The following ZBTB20 variants were observed in gnomAD, a reference collection of about 807,000 sequenced individuals.
The protein encoded by ZBTB20 is zinc finger and BTB domain-containing protein 20.
Under a neutral mutation model 56.9 loss-of-function variants are expected in ZBTB20, and 9 were observed. That is an observed-to-expected ratio of 0.16 (90% confidence interval 0.10 to 0.28). ZBTB20 has a LOEUF of 0.28. ZBTB20 is among the 10% of genes least tolerant of loss of function. The probability of loss-of-function intolerance (pLI) is 1.00; values close to 1 mark genes in which losing one functional copy is unlikely to be tolerated. For missense variants in ZBTB20, 655 were observed against 1,003.0 expected (o/e 0.65, Z 4.69); for synonymous variants, 417 against 420.7 (o/e 0.99, Z 0.11).
intron 1 of ZBTB20, among the ~76,000 whole-genome samples, chr3:115,097,700 A>T (rs1490163156): frequency 6.6e-6 from 1 of 152,230 alleles, no homozygotes; most frequent in Non-Finnish European, 1.5e-5. Context: ...CTAAACAGGC[A>T]GATATCATGT....
rs1302694530 is a variant in ZBTB20 at position 114,334,084 on chromosome 3, T to G, written c.*4921A>C. 1.3e-5 allele frequency: 2 copies of G among 152,238 alleles called. No individual in the cohort carries two copies. Among genetic ancestry groups the G allele is most frequent in the African/African-American group, 4.8e-5 (2 of 41,444 alleles). 9.4% of individuals were successfully genotyped at this position (152,238 alleles called of 1,614,324 possible). A position where few individuals can be genotyped will look rare whatever the true frequency, so the allele number is the denominator to read the frequency against. On this transcript the variant is annotated 3_prime_UTR_variant, in exon 12 of 12. Coordinates refer to ENST00000675478, the MANE Select transcript of ZBTB20 (RefSeq NM_001348800.3). ...ACGTTGCACCTTCCTTTTGTTCCCT[T>G]TTAATGCAGCAGCACACTGGCTATA...
chr3:115,093,879 A>G (rs2083287623), intron 1 of ZBTB20, among the ~76,000 whole-genome samples: 1 of 152,114 alleles, frequency 6.6e-6, no homozygotes, highest in South Asian at 2.1e-4. Flanking sequence ...ATTTATATAG[A>G]TCTGCTTTAG....
chr3:115,024,281 C>T (rs2080324714), intron 2 of ZBTB20, among the ~76,000 whole-genome samples: 1 of 150,912 alleles, frequency 6.6e-6, no homozygotes, highest in South Asian at 2.1e-4. Flanking sequence ...ATGGTAAGTG[C>T]TATTGATAGA....
chr3:114,922,597 G>A (rs1378433425), intron 3 of ZBTB20, among the ~76,000 whole-genome samples: 3 of 152,102 alleles, frequency 2.0e-5, no homozygotes, highest in East Asian at 1.9e-4. Flanking sequence ...CCTAAGGCTG[G>A]GTAATTTATA....
chr3:114,750,219 G>T (rs1423348664), intron 5 of ZBTB20, among the ~76,000 whole-genome samples: 1 of 152,104 alleles, frequency 6.6e-6, no homozygotes, highest in Non-Finnish European at 1.5e-5. Context: ...TTTAAAAAAT[G>T]ATGGTAGCAA....
At chr3:114,473,451 G>T (rs1349156635) in intron 7 of ZBTB20, among the ~76,000 whole-genome samples, 1 of 152,144 alleles carries the variant, frequency 6.6e-6, no homozygotes, top group East Asian at 1.9e-4. Flanking sequence ...TAAAGCTTTA[G>T]AATATAAGAG....
intron 5 of ZBTB20, among the ~76,000 whole-genome samples, chr3:114,799,697 T>C (rs2071578913): frequency 6.6e-6 from 1 of 151,962 alleles, no homozygotes; most frequent in African/African-American, 2.4e-5. Flanking sequence ...GTTGTAGTTA[T>C]GACAACAATA....
At chr3:114,865,093 T>C (rs1162089541) in intron 4 of ZBTB20, among the ~76,000 whole-genome samples, 1 of 152,086 alleles carries the variant, frequency 6.6e-6, no homozygotes, top group African/African-American at 2.4e-5. Flanking sequence ...TCACACAGGA[T>C]TGCCATCTAT....
At chr3:114,996,188 G>T (rs2108184628) in intron 2 of ZBTB20, among the ~76,000 whole-genome samples, 1 of 151,896 alleles carries the variant, frequency 6.6e-6, no homozygotes, top group South Asian at 2.1e-4. Context: ...AGAATGGTGA[G>T]AAATCTTATT....
intron 2 of ZBTB20, among the ~76,000 whole-genome samples, chr3:115,000,256 T>C (rs1351724041): frequency 1.3e-5 from 2 of 151,660 alleles, no homozygotes; most frequent in Non-Finnish European, 3.0e-5. Flanking sequence ...ATGTAGATGA[T>C]TTTAAATGTT....
chr3:115,030,876 A>G (rs552600607), intron 2 of ZBTB20, among the ~76,000 whole-genome samples: 1 of 151,470 alleles, frequency 6.6e-6, no homozygotes, highest in South Asian at 2.1e-4. Context: ...TTAGACGTTA[A>G]TCTCTGTTAT....
chr3:114,360,488 G>A (rs1231204230), intron 10 of ZBTB20, among the ~76,000 whole-genome samples: 1 of 151,688 alleles, frequency 6.6e-6, no homozygotes, highest in East Asian at 1.9e-4. Flanking sequence ...GGGATTACAA[G>A]CGTGCTACCA....
At chr3:114,564,018 G>C (rs1160182762) in intron 6 of ZBTB20, among the ~76,000 whole-genome samples, 1 of 152,042 alleles carries the variant, frequency 6.6e-6, no homozygotes. Context: ...GTCTTTAAGA[G>C]AAAATCCCTT....
rs2079050420 is a variant in ZBTB20 at position 114,325,947 on chromosome 3, A to G, written c.*13058T>C. On this transcript the variant is annotated 3_prime_UTR_variant, in exon 12 of 12. Transcript: ENST00000675478. ...GGTATAGATGGGTGAAGTACTGGCA[A>G]TGCAGTGCCAATCTCCCTCTGTTAC... 6.6e-6 allele frequency: 1 copy of G among 151,880 alleles called. No homozygotes were observed. The highest frequency in any genetic ancestry group is 2.1e-4 in the South Asian group (1 of 4,802). The allele number at this position is 151,880 out of a possible 1,614,324, so 9.4% of individuals were successfully genotyped here. A position where few individuals can be genotyped will look rare whatever the true frequency, so the allele number is the denominator to read the frequency against.
intron 7 of ZBTB20, among the ~76,000 whole-genome samples, chr3:114,425,113 G>A (rs548835615): frequency 5.2e-5 from 7 of 134,612 alleles, no homozygotes; most frequent in Admixed American, 2.1e-4. Context: ...GTGTCGCTCT[G>A]AAATTTGAAA....
chr3:115,144,216 T>A (rs2084900944), intron 1 of ZBTB20, among the ~76,000 whole-genome samples: 1 of 152,176 alleles, frequency 6.6e-6, no homozygotes, highest in Non-Finnish European at 1.5e-5. Context: ...AATATGTAAT[T>A]ATTTTATAAA....
chr3:115,011,828 C>T (rs750135448), intron 2 of ZBTB20, among the ~76,000 whole-genome samples: 23 of 151,106 alleles, frequency 1.5e-4, no homozygotes, highest in Middle Eastern at 3.2e-3. Context: ...AATGATGAAC[C>T]GATAAAAAAA....
At chr3:114,738,400 T>A (rs752380470) in intron 5 of ZBTB20, among the ~76,000 whole-genome samples, 6 of 152,270 alleles carry the variant, frequency 3.9e-5, no homozygotes, top group Non-Finnish European at 7.4e-5. Context: ...GGTGGGCATG[T>A]GCCAAATTGG....
At chr3:114,921,187 A>T (rs565197028) in intron 3 of ZBTB20, among the ~76,000 whole-genome samples, 1 of 152,204 alleles carries the variant, frequency 6.6e-6, no homozygotes, top group East Asian at 1.9e-4. Flanking sequence ...CAATGGTGTG[A>T]CCTTGGCTCA....
Sources: gnomAD v4.1 joint callset for allele counts (sites outside exome capture counted in the v4.1 genomes callset) on GRCh38, gnomAD v4.1.1 for gene constraint, MANE v1.5 for transcripts, NCBI Gene and HGNC (gene_info 2026-07-23, HGNC 2026-07-21) for gene names.